The following FLNB variants were observed in gnomAD, a reference collection of about 807,000 sequenced individuals.
FLNB encodes the protein filamin-B.
In FLNB, 111 loss-of-function variants were observed where a neutral mutation model predicts 250.6. That is an observed-to-expected ratio of 0.44 (90% CI 0.38 to 0.52). The LOEUF (loss-of-function observed/expected upper bound fraction) is 0.52, where lower values mean the gene tolerates loss of function less well. Among genes scored for constraint, FLNB ranks in the 20% least tolerant of loss-of-function variants. The pLI, the probability that FLNB is intolerant of heterozygous loss-of-function variation, is 0.00. For missense variants in FLNB, 2,869 were observed against 3,447.8 expected (o/e 0.83, Z 4.20); for synonymous variants, 1,302 against 1,372.1 (o/e 0.95, Z 1.13).
chr3:58,144,218 A>G (rs1028177127), intron 32 of FLNB, among the ~76,000 whole-genome samples: 1 of 152,192 alleles, frequency 6.6e-6, no homozygotes, highest in Non-Finnish European at 1.5e-5. Flanking sequence ...CTAGACTATC[A>G]TAAATTTTTT....
At position 58,147,071 on chromosome 3, in the gene FLNB, C is replaced by T. The variant is rs2097336909; in HGVS notation, c.5728+78C>T. On this transcript the variant is annotated intron_variant, in intron 34 of 45. Transcript: ENST00000295956. ...GACTGCCACCCTCCTTATCAGACCC[C>T]TGGCAGCAGGCTAGACGTCTCTTTG... The T allele has an allele frequency of 8.9e-6, 13 of 1,463,890 alleles. No individual in the cohort carries two copies. The South Asian group carries it at 1.5e-4, about 17-fold the overall frequency. The allele number at this position is 1,463,890 out of a possible 1,614,324, so 90.7% of individuals were successfully genotyped here.
At chr3:58,129,224 C>T (rs1000185099) in intron 24 of FLNB, among the ~76,000 whole-genome samples, 7 of 152,120 alleles carry the variant, frequency 4.6e-5, no homozygotes, top group Admixed American at 2.6e-4. Flanking sequence ...TGGTTGGTGG[C>T]GGCTCCCTAG....
At chr3:58,046,819 T>A (rs2097155042) in intron 1 of FLNB, among the ~76,000 whole-genome samples, 1 of 152,178 alleles carries the variant, frequency 6.6e-6, no homozygotes, top group South Asian at 2.1e-4. Flanking sequence ...CCAGGCCCAA[T>A]AAACCACTAA....
intron 19 of FLNB, 72 bp from the exon 20 acceptor site, chr3:58,121,169 C>G: frequency 6.3e-7 from 1 of 1,598,956 alleles, no homozygotes; most frequent in South Asian, 1.1e-5. Context: ...AGAACCATTG[C>G]TTCTGTGCTC....
At chr3:58,028,724 C>T (rs1180331983) in intron 1 of FLNB, among the ~76,000 whole-genome samples, 1 of 150,524 alleles carries the variant, frequency 6.6e-6, no homozygotes, top group Non-Finnish European at 1.5e-5. Context: ...AGCAATTCTC[C>T]TGCCTCAGCC....
At chr3:58,124,556 C>G in intron 22 of FLNB, 51 bp downstream of exon 22, 1 of 1,594,290 alleles carries the variant, frequency 6.3e-7, no homozygotes, top group Non-Finnish European at 8.6e-7. Flanking sequence ...TGCCCTTGGT[C>G]ATTGCCTCCT....
rs917110319 is a variant in FLNB at position 58,146,882 on chromosome 3, G to A, written c.5617G>A (p.Asp1873Asn). The A allele has an allele frequency of 6.2e-7, 1 of 1,614,190 alleles. No homozygotes were observed. The highest frequency in any genetic ancestry group is 8.5e-7 in the Non-Finnish European group (1 of 1,180,042). Residue 1873 changes from aspartate (D) to asparagine (N), a missense_variant, in exon 34 of 46, where the codon GAT becomes AAT. Physicochemically the swap from Asp to Asn is conservative, Grantham distance 23. Transcript: ENST00000295956. The stretch of plus-strand genomic sequence containing the variant: ...AGAAATCAGCTGCATTGACAATAAA[G>A]ATGGGACATGCACAGTGACCTACCT... ...KAEISCIDNKDGTCTVTYLPT... is the reference protein window; with the variant it reads ...KAEISCIDNKNGTCTVTYLPT...
chr3:58,055,166 C>T (rs1481173331), intron 1 of FLNB, among the ~76,000 whole-genome samples: 2 of 151,762 alleles, frequency 1.3e-5, no homozygotes, highest in Admixed American at 1.3e-4. Context: ...ACTTGGGTGT[C>T]GAGACACGAG....
rs754354250 is a variant in FLNB at position 58,153,365 on chromosome 3, CCTCT to C, written c.6368-9_6368-6del. ...CCTCTTCTCTCCCCCAACCTCCCTC[CCTCT>C]TTCAGAAATCAACAGCAGTGATATG... On this transcript the variant is annotated splice_polypyrimidine_tract_variant and splice_region_variant and intron_variant, in intron 38 of 45. Coordinates refer to ENST00000295956, the MANE Select transcript of FLNB (RefSeq NM_001457.4). The C allele has an allele frequency of 3.7e-5, 59 of 1,614,088 alleles. No individual in the cohort carries two copies. The highest frequency in any genetic ancestry group is 4.7e-5 in the Non-Finnish European group (56 of 1,180,058).
rs565003279 is a variant in FLNB at position 58,142,255 on chromosome 3, T to C, written c.5181+326T>C. 6.6e-6 allele frequency among the ~76,000 whole-genome samples: 1 copy of C among 152,344 alleles called. No homozygotes were observed. The highest frequency in any genetic ancestry group is 2.1e-4 in the South Asian group (1 of 4,826). On this transcript the variant is annotated intron_variant, in intron 30 of 45. Coordinates refer to ENST00000295956, the MANE Select transcript of FLNB (RefSeq NM_001457.4). The surrounding 1 kb of genome is among the most constrained non-coding windows in gnomAD (Gnocchi z 4.3). Reference sequence around the variant, plus strand: ...AGCCGCCACTTGCACATTCAGTTTCTGTTCAGGGGGAAAGCCACCCACTGC... The same window carrying C: ...AGCCGCCACTTGCACATTCAGTTTCCGTTCAGGGGGAAAGCCACCCACTGC...
At chr3:58,127,827 A>G (rs1478994845) in intron 24 of FLNB, among the ~76,000 whole-genome samples, 2 of 152,178 alleles carry the variant, frequency 1.3e-5, no homozygotes, top group East Asian at 3.8e-4. Flanking sequence ...ATCTACTCAA[A>G]TGATTGTCAC....
intron 1 of FLNB, among the ~76,000 whole-genome samples, chr3:58,053,600 A>G (rs536934077): frequency 3.7e-4 from 56 of 151,996 alleles, no homozygotes; most frequent in Non-Finnish European, 5.9e-4. Flanking sequence ...AGCTGGGACT[A>G]CAGACACCCA....
rs552021953 is a variant in FLNB at position 58,074,361 on chromosome 3, G to T, written c.293-2685G>T. ...AGGCAGGCAGGTCTTGCTCCCCTAG[G>T]AGTTAAGTTTGATGTATCTTCTGGT... On this transcript the variant is annotated intron_variant, in intron 1 of 45. Coordinates refer to ENST00000295956, the MANE Select transcript of FLNB (RefSeq NM_001457.4). Among the ~76,000 whole-genome samples the T allele has an allele frequency of 1.1e-3, 170 of 152,296 alleles. 1 individual carries two copies. Among genetic ancestry groups the T allele is most frequent in the African/African-American group, 3.9e-3 (163 of 41,548 alleles).
At position 58,163,281 on chromosome 3, in the gene FLNB, C is replaced by T; in HGVS notation, c.7149C>T (p.Asn2383=). ...VRVGEPGQAG[N]PALVSAYGTG... is the part of the protein sequence containing the mutation. ...TTGGGGAGCCTGGACAAGCGGGGAA[C>T]CCTGCCCTGGTGTCCGCCTATGGCA... is the stretch of plus-strand genomic sequence containing the variant. The change falls in exon 43 of 46, where the codon AAC becomes AAT. Residue 2383 remains asparagine, a synonymous_variant. Transcript: ENST00000295956. The T allele has an allele frequency of 6.2e-7, 1 of 1,614,248 alleles. No homozygotes were observed. Among genetic ancestry groups the T allele is most frequent in the Non-Finnish European group, 8.5e-7 (1 of 1,180,044 alleles).
At chr3:58,080,055 A>T (rs2106957753) in intron 3 of FLNB, among the ~76,000 whole-genome samples, 1 of 152,178 alleles carries the variant, frequency 6.6e-6, no homozygotes, top group East Asian at 1.9e-4. Context: ...TCTCCTTTTT[A>T]CGTTCACGTG....
chr3:58,111,967 A>G lies in FLNB; in HGVS notation c.2575+86A>G, dbSNP rs1480353600. Reference sequence around the variant, plus strand: ...TTCATCCACGGCCTTGAGGAACTTCATCTCCACCAACACCAACACCAAGCT... The same window carrying G: ...TTCATCCACGGCCTTGAGGAACTTCGTCTCCACCAACACCAACACCAAGCT... On this transcript the variant is annotated intron_variant, in intron 17 of 45. Coordinates refer to ENST00000295956, the MANE Select transcript of FLNB (RefSeq NM_001457.4). 2.3e-5 allele frequency: 29 copies of G among 1,258,414 alleles called. No homozygotes were observed. The South Asian group carries it at 3.2e-4, about 14-fold the overall frequency. 78.0% of individuals were successfully genotyped at this position (1,258,414 alleles called of 1,614,324 possible).
intron 20 of FLNB, among the ~76,000 whole-genome samples, chr3:58,122,887 G>A (rs767306698): frequency 6.6e-6 from 1 of 152,152 alleles, no homozygotes; most frequent in Non-Finnish European, 1.5e-5. Flanking sequence ...TCTCCTGTGG[G>A]TTTTCGCTGG....
At position 58,134,672 on chromosome 3, in the gene FLNB, G is replaced by GC; in HGVS notation, c.4575dup (p.Gly1526ArgfsTer3). On this transcript the variant is annotated frameshift_variant, in exon 27 of 46. Coordinates refer to ENST00000295956, the MANE Select transcript of FLNB (RefSeq NM_001457.4). LOFTEE classifies it high-confidence loss of function. The stretch of plus-strand genomic sequence containing the variant: ...GATGCCAGCAAAGTGACTGCCAGTG[G>GC]CCCCGGCCTTAGTTCCTATGGTGTG... 1 of 1,614,136 alleles carries GC rather than the reference G, an allele frequency of 6.2e-7. No individual in the cohort carries two copies. Among genetic ancestry groups the GC allele is most frequent in the Non-Finnish European group, 8.5e-7 (1 of 1,180,008 alleles).
chr3:58,136,203 G>C (rs1293844653), intron 28 of FLNB, 35 bp downstream of exon 28: 1 of 1,609,716 alleles, frequency 6.2e-7, no homozygotes, highest in Non-Finnish European at 8.5e-7. Flanking sequence ...AGGGGCACAG[G>C]CTTTGCAATC....
Sources: allele counts gnomAD v4.1 joint callset (sites outside exome capture counted in the v4.1 genomes callset), GRCh38; gene constraint gnomAD v4.1.1; non-coding constraint Gnocchi (gnomAD v3.1); transcripts MANE v1.5; gene names NCBI Gene and HGNC (gene_info 2026-07-23, HGNC 2026-07-21).